The following TECTA variants were observed in gnomAD, a reference collection of about 807,000 sequenced individuals.
TECTA encodes the protein tectorin alpha.
Under a neutral mutation model 216.8 loss-of-function variants are expected in TECTA, and 128 were observed. The observed-to-expected ratio is 0.59, with a 90% CI of 0.51 to 0.68. TECTA has a LOEUF of 0.68. TECTA is among the 30% of genes least tolerant of loss of function. The pLI is 0.00. For synonymous variants in TECTA, 1,089 were observed against 1,117.1 expected, an observed-to-expected ratio of 0.97 and a Z score of 0.50; for missense variants, 2,551 against 2,786.2, an observed-to-expected ratio of 0.92 and a Z score of 1.90.
intron 11 of TECTA, among the ~76,000 whole-genome samples, chr11:121,144,079 A>G (rs1353537658): frequency 6.6e-6 from 1 of 152,140 alleles, no homozygotes; most frequent in Non-Finnish European, 1.5e-5. Context: ...CTTCACACTC[A>G]CGGCACAGGA....
At chr11:121,122,672 C>CAAAA (rs33994765) in intron 7 of TECTA, among the ~76,000 whole-genome samples, 54 of 48,860 alleles carry the variant, frequency 1.1e-3, no homozygotes, top group African/African-American at 2.5e-3. Context: ...CCTGTCTCTC[C>CAAAA]AAAAAAAAAA....
chr11:121,129,834 A>G lies in TECTA; in HGVS notation c.2564A>G (p.Asn855Ser). The G allele has an allele frequency of 6.2e-7, 1 of 1,614,222 alleles. No homozygotes were observed. The highest frequency in any genetic ancestry group is 1.3e-5 in the African/African-American group (1 of 75,062). The change falls in exon 10 of 24, where the codon AAC becomes AGC. Residue 855 changes from asparagine to serine, a missense_variant. By Grantham distance (46) the Asn-to-Ser change is conservative. Coordinates refer to ENST00000392793, the MANE Select transcript of TECTA (RefSeq NM_005422.4). ...GGCTTGTGCGGCTTCTACAATGCCAACGCCAGTGACGAGTTCTGTCTCCCC... is the reference window on the plus strand; with the variant it reads ...GGCTTGTGCGGCTTCTACAATGCCAGCGCCAGTGACGAGTTCTGTCTCCCC... ...TGGLCGFYNANASDEFCLPNG... is the reference protein window; with the variant it reads ...TGGLCGFYNASASDEFCLPNG...
intron 11 of TECTA, among the ~76,000 whole-genome samples, chr11:121,138,368 ACCT>A (rs1004617316): frequency 3.3e-5 from 5 of 152,034 alleles, no homozygotes; most frequent in Non-Finnish European, 2.9e-5. Flanking sequence ...CAGTCACTTA[ACCT>A]CCTAGCTTGG....
At chr11:121,107,609 T>C (rs1217307466) in intron 3 of TECTA, among the ~76,000 whole-genome samples, 2 of 152,118 alleles carry the variant, frequency 1.3e-5, no homozygotes, top group African/African-American at 2.4e-5. Flanking sequence ...TATCTCCAGG[T>C]TTTCTATATC....
At chr11:121,176,001 A>G (rs1947162179) in intron 20 of TECTA, among the ~76,000 whole-genome samples, 1 of 150,960 alleles carries the variant, frequency 6.6e-6, no homozygotes, top group Admixed American at 6.6e-5. Flanking sequence ...ATCAGAGACT[A>G]GGATTGCAAC....
At chr11:121,169,309 T>A (rs1431650836) in intron 20 of TECTA, among the ~76,000 whole-genome samples, 2 of 152,172 alleles carry the variant, frequency 1.3e-5, no homozygotes, top group Non-Finnish European at 2.9e-5. Context: ...GAACAAGGCA[T>A]CTATAAAAAT....
chr11:121,163,384 G>T lies in TECTA; in HGVS notation c.5272+1014G>T, dbSNP rs112969537. On this transcript the variant is annotated intron_variant, in intron 16 of 23. Coordinates refer to ENST00000392793, the MANE Select transcript of TECTA (RefSeq NM_005422.4). ...AGAATACTCATGTTCTCACTCATAG[G>T]TGGGAATTGAACAGTGAGAACACAT... Among the ~76,000 whole-genome samples, 1,469 of 148,556 alleles carry T rather than the reference G, an allele frequency of 9.9e-3. 22 individuals are homozygous for T. The highest frequency in any genetic ancestry group is 0.035 in the African/African-American group (1,399 of 40,334).
chr11:121,185,002 A>G lies in TECTA; in HGVS notation c.6000-2830A>G, dbSNP rs140986493. 1.7e-3 allele frequency among the ~76,000 whole-genome samples: 261 copies of G among 152,328 alleles called. 1 individual carries two copies. The Middle Eastern group carries it at 0.044, about 26-fold the overall frequency. ...AGACACTCTACAAATGCAAACCCAG[A>G]TTATAGGGCTTATGTCTCCTTTGAA... is the stretch of plus-strand genomic sequence containing the variant. On this transcript the variant is annotated intron_variant, in intron 20 of 23. Coordinates refer to ENST00000392793, the MANE Select transcript of TECTA (RefSeq NM_005422.4).
In TECTA at chr11:121,127,171, A is replaced by G. The variant is rs1352591195; in HGVS notation, c.1775-581A>G. Among the ~76,000 whole-genome samples, 2 of 152,182 alleles carry G rather than the reference A, an allele frequency of 1.3e-5. No individual in the cohort carries two copies. The highest frequency in any genetic ancestry group is 1.3e-4 in the Admixed American group (2 of 15,270). On this transcript the variant is annotated intron_variant, in intron 8 of 23. Transcript: ENST00000392793. The surrounding 1 kb of genome is among the most constrained non-coding windows in gnomAD (Gnocchi z 5.0). The stretch of plus-strand genomic sequence containing the variant: ...TTGTCTCCTGGAGAAACAGCCACAC[A>G]AATTCTTTGAATTCTTTGGAGGTAG...
At chr11:121,182,701 C>A (rs1425054940) in intron 20 of TECTA, among the ~76,000 whole-genome samples, 1 of 151,728 alleles carries the variant, frequency 6.6e-6, no homozygotes, top group African/African-American at 2.4e-5. Context: ...CAGGTTGATC[C>A]CTAAATCCCC....
At chr11:121,179,693 G>T (rs1212602355) in intron 20 of TECTA, among the ~76,000 whole-genome samples, 2 of 151,910 alleles carry the variant, frequency 1.3e-5, no homozygotes, top group Non-Finnish European at 2.9e-5. Context: ...TACATATTTG[G>T]GTGCTGTGAT....
At chr11:121,156,015 T>C (rs1946938174) in intron 13 of TECTA, among the ~76,000 whole-genome samples, 1 of 152,244 alleles carries the variant, frequency 6.6e-6, no homozygotes, top group Non-Finnish European at 1.5e-5. Context: ...TATATAATGT[T>C]GTATAATTTC....
intron 12 of TECTA, among the ~76,000 whole-genome samples, chr11:121,148,842 T>A (rs1256400419): frequency 6.6e-6 from 1 of 152,230 alleles, no homozygotes; most frequent in Non-Finnish European, 1.5e-5. Context: ...TAACCTAAGT[T>A]GAACAAATAG....
intron 2 of TECTA, 48 bp downstream of exon 2, chr11:121,102,777 A>AT: frequency 6.6e-7 from 1 of 1,518,516 alleles, no homozygotes. Context: ...ATGCTCTTGA[A>AT]TTGATAAAGA....
At position 121,113,540 on chromosome 11, in the gene TECTA, T is replaced by A; in HGVS notation, c.625-13T>A. ...TTTGTACTCAAAAATCTTGTCTTCC[T>A]TTTGTGCTGCAGGCAGGATTTAATG... On this transcript the variant is annotated splice_polypyrimidine_tract_variant and intron_variant, in intron 5 of 23. Transcript: ENST00000392793. The surrounding 1 kb of genome is among the most constrained non-coding windows in gnomAD (Gnocchi z 4.2). 6.2e-7 allele frequency: 1 copy of A among 1,614,024 alleles called. No individual in the cohort carries two copies. The highest frequency in any genetic ancestry group is 8.5e-7 in the Non-Finnish European group (1 of 1,180,000).
At chr11:121,120,138 AT>A (rs1946543105) in intron 7 of TECTA, among the ~76,000 whole-genome samples, 1 of 152,034 alleles carries the variant, frequency 6.6e-6, no homozygotes, top group Non-Finnish European at 1.5e-5. Flanking sequence ...TTTGATTAAA[AT>A]TCTTTTTTAT....
At chr11:121,109,717 T>C (rs1415850280) in intron 4 of TECTA, 14 of 579,336 alleles carry the variant, frequency 2.4e-5, no homozygotes, top group Non-Finnish European at 3.6e-5. Context: ...GTCACCCCTA[T>C]CACAAATCAT....
intron 20 of TECTA, among the ~76,000 whole-genome samples, chr11:121,181,063 G>A (rs979038546): frequency 1.3e-5 from 2 of 152,040 alleles, no homozygotes. Context: ...TACTTGGGAG[G>A]CTGAGGCAGG....
chr11:121,183,533 A>G (rs1947251827), intron 20 of TECTA, among the ~76,000 whole-genome samples: 1 of 152,138 alleles, frequency 6.6e-6, no homozygotes, highest in Admixed American at 6.5e-5. Flanking sequence ...TGGCAGGGCC[A>G]ACTGCTTTGT....
Sources: allele counts gnomAD v4.1 joint callset (sites outside exome capture counted in the v4.1 genomes callset), GRCh38; gene constraint gnomAD v4.1.1; non-coding constraint Gnocchi (gnomAD v3.1); transcripts MANE v1.5; gene names NCBI Gene and HGNC (gene_info 2026-07-23, HGNC 2026-07-21).